Variants in SKI observed in about 807,000 individuals in gnomAD.
SKI encodes SKI proto-oncogene.
In SKI, 23 loss-of-function variants were observed where a neutral mutation model predicts 59.3. The ratio of observed to expected loss-of-function variants is 0.39; its 90% CI spans 0.28 to 0.55. The LOEUF (loss-of-function observed/expected upper bound fraction) is 0.55. Ranked by LOEUF, SKI falls within the 20% of genes least tolerant of loss-of-function variation. The pLI is 0.67. For synonymous variants in SKI, 673 were observed against 488.6 expected (o/e 1.38, Z -4.98); for missense variants, 1,017 against 1,038.9 (o/e 0.98, Z 0.29).
intron 1 of SKI, among the ~76,000 whole-genome samples, chr1:2,234,327 G>C (rs1469685808): frequency 1.3e-5 from 2 of 152,176 alleles, no homozygotes; most frequent in South Asian, 2.1e-4. Context: ...TCATCCGTCT[G>C]TCTGGGACCC....
chr1:2,263,101 A>G (rs769441811), intron 1 of SKI, among the ~76,000 whole-genome samples: 4 of 152,030 alleles, frequency 2.6e-5, no homozygotes, highest in Non-Finnish European at 5.9e-5. Flanking sequence ...GGGTTTCACC[A>G]TGTTGGTCAG....
intron 1 of SKI, among the ~76,000 whole-genome samples, chr1:2,295,196 C>G (rs890596714): frequency 2.6e-5 from 4 of 152,180 alleles, no homozygotes; most frequent in African/African-American, 4.8e-5. Context: ...CGCAGGTGTG[C>G]CAGTGTGGCA....
In SKI at chr1:2,305,948, G is replaced by C; in HGVS notation, c.1768-72G>C. On this transcript the variant is annotated intron_variant, in intron 5 of 6. Transcript: ENST00000378536. The stretch of plus-strand genomic sequence containing the variant: ...TAGATGACCCCACGGGGTGGGCTGA[G>C]GACTGCTGGTCATGGTGAGGGGTGT... The C allele has an allele frequency of 2.6e-6, 3 of 1,175,202 alleles. No homozygotes were observed. In the South Asian group the frequency reaches 3.9e-5, roughly 15 times the overall value. 72.8% of individuals were successfully genotyped at this position (1,175,202 alleles called of 1,614,324 possible).
Position 2,309,660 on chromosome 1 carries a change from C to T in SKI, c.*2895C>T, listed in dbSNP as rs1053744041. On this transcript the variant is annotated 3_prime_UTR_variant, in exon 7 of 7. Transcript: ENST00000378536. ...ACCCCCTCCTCCCTGTGGGTCTGAG[C>T]CCCGGCCCCCCCCACCTCCTCCTCC... The T allele has an allele frequency of 8.0e-6, 1 of 125,364 alleles. No individual in the cohort carries two copies. The highest frequency in any genetic ancestry group is 3.1e-5 in the African/African-American group (1 of 32,290). The allele number at this position is 125,364 out of a possible 1,614,324, so 7.8% of individuals were successfully genotyped here.
chr1:2,279,099 C>G (rs1452425582), intron 1 of SKI, among the ~76,000 whole-genome samples: 1 of 152,234 alleles, frequency 6.6e-6, no homozygotes, highest in East Asian at 1.9e-4. Flanking sequence ...CTCCTGTCTC[C>G]TGGTGTCCCG....
rs753145672 is a variant in SKI, at chr1:2,302,983, C to T, written c.975C>T (p.Ser325=). Residue 325 remains serine, a synonymous_variant, in exon 2 of 7, where the codon TCC becomes TCT. Transcript: ENST00000378536. ...NKYKRRVPRV[S]SEPPASIRPK... is the part of the protein sequence containing the mutation. Reference sequence around the variant, plus strand: ...AAACCTTTCATTGATCGCAGGTCTCCTCTGAGCCTCCGGCCTCCATAAGAC... The same window carrying T: ...AAACCTTTCATTGATCGCAGGTCTCTTCTGAGCCTCCGGCCTCCATAAGAC... 2.2e-5 allele frequency: 36 copies of T among 1,613,422 alleles called. No individual in the cohort carries two copies. The highest frequency in any genetic ancestry group is 2.9e-5 in the Non-Finnish European group (34 of 1,180,034).
chr1:2,288,804 G>A (rs1284563253), intron 1 of SKI, among the ~76,000 whole-genome samples: 1 of 152,122 alleles, frequency 6.6e-6, no homozygotes, highest in Non-Finnish European at 1.5e-5. Context: ...TGGGGGTGGG[G>A]ACCTTGTCTC....
rs1249770660 is a variant in SKI, at chr1:2,303,267, A to C, written c.1096-18A>C. The C allele has an allele frequency of 1.2e-6, 2 of 1,611,908 alleles. No homozygotes were observed. The highest frequency in any genetic ancestry group is 1.7e-5 in the Admixed American group (1 of 60,006). ...GTTTTTCTCCTGGTCACTCACACAG[A>C]CAACTCTTTCTCGACAGAGCCTGGG... On this transcript the variant is annotated intron_variant, in intron 2 of 6. Coordinates refer to ENST00000378536, the MANE Select transcript of SKI (RefSeq NM_003036.4). This position sits in a 1 kb window ranked among gnomAD's most constrained non-coding sequence, Gnocchi z 5.6.
At position 2,228,954 on chromosome 1, in the gene SKI, C is replaced by G. The variant is rs766569890; in HGVS notation, c.188C>G (p.Pro63Arg). The part of the protein sequence containing the change: ...KEAGAAAVPA[P>R]VPAATEPPPV... Reference sequence around the variant, plus strand: ...GCGGGCGCGGCCGCGGTGCCGGCGCCGGTGCCCGCAGCCACCGAGCCGCCG... The same window carrying G: ...GCGGGCGCGGCCGCGGTGCCGGCGCGGGTGCCCGCAGCCACCGAGCCGCCG... The change falls in exon 1 of 7, where the codon CCG (proline) becomes CGG (arginine). Residue 63 changes from proline to arginine, a missense_variant. Transcript: ENST00000378536. 7.1e-7 allele frequency: 1 copy of G among 1,404,806 alleles called. No homozygotes were observed. The highest frequency in any genetic ancestry group is 9.2e-7 in the Non-Finnish European group (1 of 1,081,910). The allele number at this position is 1,404,806 out of a possible 1,614,324, so 87.0% of individuals were successfully genotyped here. A position where few individuals can be genotyped will look rare whatever the true frequency, so the allele number is the denominator to read the frequency against.
intron 1 of SKI, among the ~76,000 whole-genome samples, chr1:2,272,683 T>C (rs1021653897): frequency 6.6e-6 from 1 of 152,236 alleles, no homozygotes; most frequent in African/African-American, 2.4e-5. Context: ...GTGTCCTTAA[T>C]GTAGAATGTT....
intron 1 of SKI, among the ~76,000 whole-genome samples, chr1:2,286,641 T>C (rs1246648451): frequency 2.0e-5 from 3 of 152,240 alleles, no homozygotes; most frequent in Non-Finnish European, 2.9e-5. Flanking sequence ...CTGCCCAAAA[T>C]GAACCTGGCT....
intron 1 of SKI, among the ~76,000 whole-genome samples, chr1:2,294,757 C>T (rs899302494): frequency 1.3e-5 from 2 of 152,356 alleles, no homozygotes; most frequent in Admixed American, 1.3e-4. Context: ...CCCCGAGAGC[C>T]ACCTGCTCTC....
rs1435032825 is a variant in SKI at position 2,306,141 on chromosome 1, C to T, written c.1889C>T (p.Ala630Val). The change falls in exon 6 of 7, where the codon GCC becomes GTC. Residue 630 changes from alanine (A) to valine (V), a missense_variant. Physicochemically the swap from Ala to Val is moderately conservative, Grantham distance 64. Coordinates refer to ENST00000378536, the MANE Select transcript of SKI (RefSeq NM_003036.4). ...RAENEKKMKE[A>V]NESRLRLKRE... ...GAGAACGAGAAGAAGATGAAAGAGGCCAACGAGTCACGGCTGCGCCTGAAG... is the reference window on the plus strand; with the variant it reads ...GAGAACGAGAAGAAGATGAAAGAGGTCAACGAGTCACGGCTGCGCCTGAAG... 6.3e-7 allele frequency: 1 copy of T among 1,595,834 alleles called. No homozygotes were observed.
intron 5 of SKI, among the ~76,000 whole-genome samples, chr1:2,305,605 G>A (rs770690892): frequency 7.9e-5 from 12 of 152,202 alleles, no homozygotes; most frequent in Non-Finnish European, 5.9e-5. Context: ...GAGGCGCCGG[G>A]CGGATGGACG....
intron 1 of SKI, among the ~76,000 whole-genome samples, chr1:2,241,194 C>G (rs1326564551): frequency 2.0e-5 from 3 of 152,220 alleles, no homozygotes; most frequent in African/African-American, 7.2e-5. Context: ...GGGAACAATT[C>G]TCATTTTACT....
chr1:2,293,389 C>A (rs1240031605), intron 1 of SKI, among the ~76,000 whole-genome samples: 1 of 151,554 alleles, frequency 6.6e-6, no homozygotes, highest in Non-Finnish European at 1.5e-5. Flanking sequence ...TTGGGGCCTG[C>A]GGATGTCGCT....
chr1:2,255,301 A>G (rs1008846359), intron 1 of SKI, among the ~76,000 whole-genome samples: 1 of 151,432 alleles, frequency 6.6e-6, no homozygotes, highest in Admixed American at 6.6e-5. Flanking sequence ...TTAGACCTGT[A>G]CCTGCCACAG....
At position 2,283,118 on chromosome 1, in the gene SKI, C is replaced by T. The variant is rs533979495; in HGVS notation, c.970-19860C>T. 5.3e-5 allele frequency among the ~76,000 whole-genome samples: 8 copies of T among 152,336 alleles called. No individual in the cohort carries two copies. In the South Asian group the frequency reaches 1.0e-3, roughly 20 times the overall value. On this transcript the variant is annotated intron_variant, in intron 1 of 6. Transcript: ENST00000378536. ...CCATGGCCAGGGAGGCGCCCCCACC[C>T]GGCCCAACCGCCTTTGTCGGGGATC...
At chr1:2,259,399 C>T (rs1244389863) in intron 1 of SKI, among the ~76,000 whole-genome samples, 2 of 152,190 alleles carry the variant, frequency 1.3e-5, no homozygotes, top group Non-Finnish European at 2.9e-5. Flanking sequence ...AAAAGGGCAT[C>T]TCTGAGGTCA....
Sources: allele counts gnomAD v4.1 joint callset (sites outside exome capture counted in the v4.1 genomes callset), GRCh38; gene constraint gnomAD v4.1.1; non-coding constraint Gnocchi (gnomAD v3.1); transcripts MANE v1.5; gene names NCBI Gene and HGNC (gene_info 2026-07-23, HGNC 2026-07-21).